ZNF536: variants seen among roughly 807,000 people sequenced by gnomAD.
ZNF536 encodes zinc finger protein 536.
A neutral mutation model predicts 84.5 loss-of-function variants in ZNF536; 13 were observed. The observed-to-expected ratio is 0.15, with a 90% CI of 0.10 to 0.24. ZNF536 has a LOEUF of 0.24. Among genes scored for constraint, ZNF536 ranks in the 10% least tolerant of loss-of-function variants. The pLI, the probability that ZNF536 is intolerant of heterozygous loss-of-function variation, is 1.00. For synonymous variants in ZNF536, 811 were observed against 742.5 expected (o/e 1.09, Z -1.50); for missense variants, 1,536 against 1,747.5 (o/e 0.88, Z 2.16).
At chr19:30,469,171 T>C (rs963040883) in intron 2 of ZNF536, among the ~76,000 whole-genome samples, 3 of 151,992 alleles carry the variant, frequency 2.0e-5, no homozygotes, top group Middle Eastern at 3.2e-3. Context: ...TCCCAGCACT[T>C]TGGGAGGCCG....
At chr19:30,514,240 C>T (rs1419698828) in intron 2 of ZNF536, among the ~76,000 whole-genome samples, 1 of 152,154 alleles carries the variant, frequency 6.6e-6, no homozygotes, top group African/African-American at 2.4e-5. Context: ...TTGTCCACAT[C>T]CAACTGGGTG....
intron 2 of ZNF536, among the ~76,000 whole-genome samples, chr19:30,473,547 A>G (rs1392945784): frequency 1.3e-5 from 2 of 152,182 alleles, no homozygotes; most frequent in Non-Finnish European, 2.9e-5. Context: ...TCTGCTTCAC[A>G]TAACCTGTTG....
chr19:30,653,890 C>A (rs953770431), intron 1 of ZNF536, among the ~76,000 whole-genome samples: 1 of 152,156 alleles, frequency 6.6e-6, no homozygotes, highest in South Asian at 2.1e-4. Flanking sequence ...GGCTGCGTGC[C>A]CCCCTGCTGC....
intron 2 of ZNF536, among the ~76,000 whole-genome samples, chr19:30,328,757 G>T (rs969740486): frequency 6.6e-6 from 1 of 152,210 alleles, no homozygotes; most frequent in Non-Finnish European, 1.5e-5. Context: ...TGTGAATTGG[G>T]GTTCCTTTTG....
intron 1 of ZNF536, among the ~76,000 whole-genome samples, chr19:30,682,446 C>T (rs926169268): frequency 2.6e-5 from 4 of 152,180 alleles, no homozygotes; most frequent in Admixed American, 6.5e-5. Context: ...CACAAATGCA[C>T]GACCAGCCGC....
chr19:30,439,954 TC>T (rs1270123837), intron 1 of ZNF536, among the ~76,000 whole-genome samples: 4 of 140,052 alleles, frequency 2.9e-5, no homozygotes, highest in African/African-American at 1.1e-4. Context: ...TCTTTTTCTT[TC>T]TTTCTTTTTT....
chr19:30,237,048 T>G (rs1253614639), intron 1 of ZNF536, among the ~76,000 whole-genome samples: 4 of 144,960 alleles, frequency 2.8e-5, no homozygotes, highest in Admixed American at 6.8e-5. Flanking sequence ...GTGAGATTTT[T>G]TTTTTTTTCT....
At chr19:30,328,730 C>T (rs1007420396) in intron 2 of ZNF536, among the ~76,000 whole-genome samples, 5 of 152,204 alleles carry the variant, frequency 3.3e-5, no homozygotes, top group African/African-American at 4.8e-5. Context: ...CTGGAAAGAT[C>T]GTGGCATGTT....
At chr19:30,485,495 A>G (rs1401909074) in intron 2 of ZNF536, among the ~76,000 whole-genome samples, 1 of 152,036 alleles carries the variant, frequency 6.6e-6, no homozygotes, top group Non-Finnish European at 1.5e-5. Flanking sequence ...GTCACTATAG[A>G]TTTACTGATT....
intron 1 of ZNF536, among the ~76,000 whole-genome samples, chr19:30,425,728 A>G (rs1299328158): frequency 6.6e-6 from 1 of 152,162 alleles, no homozygotes; most frequent in Non-Finnish European, 1.5e-5. Context: ...CCTTGAACCA[A>G]TTACTGAGGC....
chr19:30,446,248 CAAAAA>C (rs1177505634), intron 2 of ZNF536, among the ~76,000 whole-genome samples: 37 of 29,172 alleles, frequency 1.3e-3, no homozygotes, highest in African/African-American at 5.1e-3. Context: ...GACACTGTCT[CAAAAA>C]AAAAAAAAAA....
chr19:30,440,655 A>G (rs1417819598), intron 1 of ZNF536, among the ~76,000 whole-genome samples: 2 of 152,166 alleles, frequency 1.3e-5, no homozygotes, highest in African/African-American at 4.8e-5. Context: ...AGAAAGTAAC[A>G]TGTTGGGACA....
At chr19:30,693,049 A>AGT (rs10610897) in intron 1 of ZNF536, among the ~76,000 whole-genome samples, 6,078 of 148,892 alleles carry the variant, frequency 0.041, 619 homozygotes, top group Middle Eastern at 0.061. Flanking sequence ...AGAGAGAGAG[A>AGT]GTGTGTGTAT....
rs1249631703 is a variant in ZNF536 at position 30,443,832 on chromosome 19, G to A, written c.270G>A (p.Arg90=). ...QMALLANQLG[R]EVDTSLNGRV... The stretch of plus-strand genomic sequence containing the variant: ...CGCTCCTGGCCAACCAGCTGGGCCG[G>A]GAGGTGGACACCAGCCTCAACGGGA... Residue 90 remains arginine, a synonymous_variant, in exon 2 of 5, where the codon CGG becomes CGA. Coordinates refer to ENST00000355537, the MANE Select transcript of ZNF536 (RefSeq NM_014717.3). 3 of 1,613,176 alleles carry A rather than the reference G, an allele frequency of 1.9e-6. No homozygotes were observed. The highest frequency in any genetic ancestry group is 2.5e-6 in the Non-Finnish European group (3 of 1,179,916).
At chr19:30,513,546 C>T (rs866311977) in intron 2 of ZNF536, among the ~76,000 whole-genome samples, 2 of 152,172 alleles carry the variant, frequency 1.3e-5, no homozygotes, top group Admixed American at 6.5e-5. Flanking sequence ...TTAAAAATAA[C>T]ATTTATTAAA....
At chr19:30,458,512 C>T (rs2052977503) in intron 2 of ZNF536, among the ~76,000 whole-genome samples, 1 of 132,956 alleles carries the variant, frequency 7.5e-6, no homozygotes, top group East Asian at 2.2e-4. Context: ...AGTGCAGTGG[C>T]GTGATCTCCG....
chr19:30,372,170 G>T (rs938343423), upstream of ZNF536, among the ~76,000 whole-genome samples: 1 of 152,222 alleles, frequency 6.6e-6, no homozygotes, highest in African/African-American at 2.4e-5. Context: ...GGCCCTAATT[G>T]CAGGGCCTTT....
intron 2 of ZNF536, among the ~76,000 whole-genome samples, chr19:30,293,578 G>A (rs2045909039): frequency 6.6e-6 from 1 of 152,310 alleles, no homozygotes; most frequent in Middle Eastern, 3.4e-3. Context: ...CGCGGCTGCA[G>A]TGTGAGGCAC....
At chr19:30,243,441 CA>C (rs2024073072) in intron 1 of ZNF536, among the ~76,000 whole-genome samples, 2 of 152,112 alleles carry the variant, frequency 1.3e-5, no homozygotes, top group Admixed American at 1.3e-4. Flanking sequence ...GGAAATATTG[CA>C]GTCTGTAGTA....
Sources: gnomAD v4.1 joint callset for allele counts (sites outside exome capture counted in the v4.1 genomes callset) on GRCh38, gnomAD v4.1.1 for gene constraint, MANE v1.5 for transcripts, NCBI Gene and HGNC (gene_info 2026-07-23, HGNC 2026-07-21) for gene names.